The following PDE7B variants were observed in gnomAD, a reference collection of about 807,000 sequenced individuals.
The protein encoded by PDE7B is 3',5'-cyclic-AMP phosphodiesterase 7B.
PDE7B carries 29 observed loss-of-function variants against 56.2 expected under a neutral mutation model. That is an observed-to-expected ratio of 0.52 (90% CI 0.38 to 0.70). PDE7B has a LOEUF of 0.70. PDE7B is among the 30% of genes least tolerant of loss of function. The probability of loss-of-function intolerance (pLI) is 0.00; values close to 1 mark genes in which losing one functional copy is unlikely to be tolerated. For missense variants in PDE7B, 490 were observed against 565.0 expected (o/e 0.87, Z 1.35); for synonymous variants, 197 against 196.9 (o/e 1.00, Z 0.00).
intron 2 of PDE7B, among the ~76,000 whole-genome samples, chr6:135,975,060 T>C (rs1775159554): frequency 6.6e-6 from 1 of 151,622 alleles, no homozygotes; most frequent in Non-Finnish European, 1.5e-5. Context: ...TGCCCCCAAC[T>C]AGAGCAGCAG....
intron 2 of PDE7B, among the ~76,000 whole-genome samples, chr6:135,981,614 T>C (rs6905270): frequency 6.7e-6 from 1 of 149,824 alleles, no homozygotes; most frequent in Non-Finnish European, 1.5e-5. Flanking sequence ...AGGGTCAAGA[T>C]GATCAATATC....
intron 2 of PDE7B, among the ~76,000 whole-genome samples, chr6:136,065,953 G>A (rs1411777922): frequency 1.3e-5 from 2 of 152,154 alleles, no homozygotes; most frequent in Non-Finnish European, 2.9e-5. Context: ...TCTAACTGGT[G>A]GTTTACAACA....
intron 9 of PDE7B, among the ~76,000 whole-genome samples, chr6:136,176,557 C>T (rs1428255728): frequency 1.4e-4 from 21 of 152,024 alleles, no homozygotes; most frequent in African/African-American, 3.1e-4. Context: ...TTTTCCCCCA[C>T]GGAATGCTTC....
At chr6:136,004,172 T>C (rs1775729946) in intron 2 of PDE7B, among the ~76,000 whole-genome samples, 1 of 152,174 alleles carries the variant, frequency 6.6e-6, no homozygotes, top group African/African-American at 2.4e-5. Context: ...CTAAAAACTC[T>C]CAATAAATTA....
intron 1 of PDE7B, 105 bp from the exon 2 acceptor site, chr6:135,947,359 A>G: frequency 1.1e-6 from 1 of 903,040 alleles, no homozygotes; most frequent in Admixed American, 2.0e-5. Flanking sequence ...ACCAATGAAA[A>G]CAAAAGTAGA....
At chr6:135,894,680 GGGTTGCGT>G (rs1301150141) in intron 1 of PDE7B, among the ~76,000 whole-genome samples, 2 of 152,042 alleles carry the variant, frequency 1.3e-5, no homozygotes, top group Non-Finnish European at 2.9e-5. Flanking sequence ...CTGTCCAAAG[GGGTTGCGT>G]GGCTGATGTT....
chr6:136,179,191 C>G (rs761961739), intron 10 of PDE7B, 50 bp downstream of exon 10: 2 of 1,575,812 alleles, frequency 1.3e-6, no homozygotes, highest in Middle Eastern at 1.7e-4. Flanking sequence ...AAACACTCAG[C>G]TGGGCTGGGT....
intron 1 of PDE7B, among the ~76,000 whole-genome samples, chr6:135,855,353 T>G (rs1326539869): frequency 1.3e-5 from 2 of 152,090 alleles, no homozygotes; most frequent in African/African-American, 4.8e-5. Context: ...TGGTTGAGTA[T>G]GAATATTTAA....
At chr6:135,872,430 C>T (rs1775401367) in intron 1 of PDE7B, among the ~76,000 whole-genome samples, 1 of 151,962 alleles carries the variant, frequency 6.6e-6, no homozygotes, top group South Asian at 2.1e-4. Flanking sequence ...TCACATAAGA[C>T]ACTGCAAAAA....
intron 3 of PDE7B, among the ~76,000 whole-genome samples, chr6:136,120,726 C>T (rs1777915753): frequency 6.6e-6 from 1 of 152,142 alleles, no homozygotes; most frequent in Admixed American, 6.5e-5. Flanking sequence ...TTTTGTGGCA[C>T]TATATGTCAG....
intron 1 of PDE7B, among the ~76,000 whole-genome samples, chr6:135,940,419 T>C (rs1774488450): frequency 6.6e-6 from 1 of 152,180 alleles, no homozygotes; most frequent in Non-Finnish European, 1.5e-5. Context: ...TCATTTTGTA[T>C]CCACACTCAT....
intron 1 of PDE7B, among the ~76,000 whole-genome samples, chr6:135,899,303 G>A (rs966391686): frequency 2.0e-5 from 3 of 151,780 alleles, no homozygotes; most frequent in African/African-American, 7.3e-5. Flanking sequence ...TAATAAGACG[G>A]CCATTTTTCC....
At chr6:136,161,096 C>T (rs1481851582) in intron 8 of PDE7B, among the ~76,000 whole-genome samples, 1 of 152,094 alleles carries the variant, frequency 6.6e-6, no homozygotes, top group Non-Finnish European at 1.5e-5. Flanking sequence ...GTATATTTTA[C>T]TCAAATATAA....
At chr6:136,189,311 C>T (rs1436365187) in intron 12 of PDE7B, among the ~76,000 whole-genome samples, 1 of 152,210 alleles carries the variant, frequency 6.6e-6, no homozygotes, top group African/African-American at 2.4e-5. Flanking sequence ...TGCCTATAAT[C>T]CCAGCACTTT....
At chr6:135,854,894 A>G (rs1405386569) in intron 1 of PDE7B, among the ~76,000 whole-genome samples, 1 of 152,256 alleles carries the variant, frequency 6.6e-6, no homozygotes, top group Non-Finnish European at 1.5e-5. Context: ...ATTTCAGTAC[A>G]GAGAGTGAAA....
chr6:135,864,681 C>G (rs1775217763), intron 1 of PDE7B, among the ~76,000 whole-genome samples: 1 of 152,028 alleles, frequency 6.6e-6, no homozygotes, highest in Non-Finnish European at 1.5e-5. Flanking sequence ...CCAATTAGGG[C>G]TTGTATGGTT....
intron 1 of PDE7B, among the ~76,000 whole-genome samples, chr6:135,906,622 T>C (rs2128192878): frequency 6.6e-6 from 1 of 152,270 alleles, no homozygotes; most frequent in South Asian, 2.1e-4. Flanking sequence ...TTTTGTTGGA[T>C]TTTATTCTTC....
chr6:135,890,397 C>T (rs1006453814), intron 1 of PDE7B, among the ~76,000 whole-genome samples: 7 of 152,220 alleles, frequency 4.6e-5, no homozygotes, highest in Admixed American at 2.0e-4. Context: ...GTCAAAGTTG[C>T]GGACCAGAGT....
intron 2 of PDE7B, among the ~76,000 whole-genome samples, chr6:136,085,228 A>G (rs1199028463): frequency 6.6e-6 from 1 of 152,246 alleles, no homozygotes; most frequent in Non-Finnish European, 1.5e-5. Flanking sequence ...ATTTTATTGC[A>G]CAGTCTGACT....
Sources: allele counts gnomAD v4.1 joint callset (sites outside exome capture counted in the v4.1 genomes callset), GRCh38; gene constraint gnomAD v4.1.1; transcripts MANE v1.5; gene names NCBI Gene and HGNC (gene_info 2026-07-23, HGNC 2026-07-21).